The following KMT5B variants were observed in gnomAD, a reference collection of about 807,000 sequenced individuals.
The protein encoded by KMT5B is histone-lysine N-methyltransferase KMT5B.
In KMT5B, 10 loss-of-function variants were observed where a neutral mutation model predicts 83.2. The observed-to-expected ratio is 0.12, with a 90% CI of 0.07 to 0.20. KMT5B has a LOEUF of 0.20. Among genes scored for constraint, KMT5B ranks in the 10% least tolerant of loss-of-function variants. The pLI, the probability that KMT5B is intolerant of heterozygous loss-of-function variation, is 1.00. For synonymous variants in KMT5B, 349 were observed against 388.8 expected (o/e 0.90, Z 1.20); for missense variants, 753 against 1,067.2 (o/e 0.71, Z 4.10).
Position 68,158,386 on chromosome 11 carries a change from C to T in KMT5B, c.1960G>A (p.Glu654Lys). The change falls in exon 11 of 11, where the codon GAG (glutamate) becomes AAG (lysine). Residue 654 changes from glutamate to lysine, a missense_variant. Physicochemically the swap from Glu to Lys is moderately conservative, Grantham distance 56. This residue lies in a region of KMT5B where 397 missense variants were observed against 395.9 expected (regional missense o/e 1.00). Transcript: ENST00000304363. ...DLMGPHSDQGEHSGTVGVPVS... is the reference protein window; with the variant it reads ...DLMGPHSDQGKHSGTVGVPVS... ...GGCACGCCCACAGTGCCACTGTGCTCACCCTGGTCAGAATGGGGACCCATC... is the reference window on the plus strand; with the variant it reads ...GGCACGCCCACAGTGCCACTGTGCTTACCCTGGTCAGAATGGGGACCCATC... The T allele has an allele frequency of 6.2e-7, 1 of 1,614,126 alleles. No individual in the cohort carries two copies. Among genetic ancestry groups the T allele is most frequent in the Middle Eastern group, 1.6e-4 (1 of 6,062 alleles).
intron 9 of KMT5B, among the ~76,000 whole-genome samples, chr11:68,170,317 C>A (rs1365188056): frequency 1.3e-5 from 2 of 152,160 alleles, no homozygotes; most frequent in Non-Finnish European, 2.9e-5. Flanking sequence ...AGTAAAGTGC[C>A]TGGCACAGTG....
intron 3 of KMT5B, among the ~76,000 whole-genome samples, chr11:68,182,537 C>T (rs114584327): frequency 6.6e-6 from 1 of 152,136 alleles, no homozygotes; most frequent in Admixed American, 6.5e-5. Context: ...CAGCTCATTG[C>T]AGCCTCGAGC....
In KMT5B at chr11:68,173,899, CAAAT is replaced by C. The variant is rs751145286; in HGVS notation, c.554_557del (p.Tyr185CysfsTer27). The C allele has an allele frequency of 6.2e-7, 1 of 1,601,924 alleles. No homozygotes were observed. The highest frequency in any genetic ancestry group is 2.2e-5 in the East Asian group (1 of 44,586). On this transcript the variant is annotated frameshift_variant, in exon 6 of 11. Transcript: ENST00000304363. LOFTEE classifies it high-confidence loss of function. ...ATCCACTGTCAGTTGCAAACATTCGCAAATAAATAAATACCTAAAACAGGAAAAA... is the reference window on the plus strand; with the variant it reads ...ATCCACTGTCAGTTGCAAACATTCGCAAATAAATACCTAAAACAGGAAAAA...
At chr11:68,178,796 C>A (rs1856625981) in intron 4 of KMT5B, among the ~76,000 whole-genome samples, 1 of 152,074 alleles carries the variant, frequency 6.6e-6, no homozygotes, top group South Asian at 2.1e-4. Flanking sequence ...GCACTGAAAA[C>A]CTTAGGGAAA....
chr11:68,178,615 G>A (rs1341342450), intron 4 of KMT5B, among the ~76,000 whole-genome samples: 1 of 152,200 alleles, frequency 6.6e-6, no homozygotes, highest in African/African-American at 2.4e-5. Context: ...GGAAAAGGGG[G>A]AAGAAAATGG....
At chr11:68,213,096 C>T (rs1236506512) in intron 1 of KMT5B, 42 bp downstream of exon 1, 3 of 138,420 alleles carry the variant, frequency 2.2e-5, no homozygotes, top group Non-Finnish European at 4.8e-5. Flanking sequence ...CGAGGCCGCC[C>T]CCCGCACACC....
At chr11:68,163,864 G>A (rs1048284376) in intron 10 of KMT5B, among the ~76,000 whole-genome samples, 1 of 152,214 alleles carries the variant, frequency 6.6e-6, no homozygotes, top group African/African-American at 2.4e-5. Context: ...GTGAGGAGCA[G>A]CGCCCCAGCC....
At chr11:68,187,114 A>G (rs948217238) in intron 2 of KMT5B, among the ~76,000 whole-genome samples, 15 of 151,962 alleles carry the variant, frequency 9.9e-5, no homozygotes, top group African/African-American at 3.1e-4. Flanking sequence ...ATCCTGCCTC[A>G]GCCTCCCTAG....
chr11:68,205,151 A>C (rs976864288), intron 1 of KMT5B, among the ~76,000 whole-genome samples: 28 of 152,150 alleles, frequency 1.8e-4, no homozygotes, highest in Admixed American at 5.2e-4. Context: ...CTACCAAAAA[A>C]AAAAACAAAA....
chr11:68,173,784 T>C lies in KMT5B; in HGVS notation c.653+20A>G, dbSNP rs777360230. 1 of 1,374,112 alleles carries C rather than the reference T, an allele frequency of 7.3e-7. No individual in the cohort carries two copies. Among genetic ancestry groups the C allele is most frequent in the Admixed American group, 2.0e-5 (1 of 50,660 alleles). 85.1% of individuals were successfully genotyped at this position (1,374,112 alleles called of 1,614,324 possible). On this transcript the variant is annotated intron_variant, in intron 6 of 10. Coordinates refer to ENST00000304363, the MANE Select transcript of KMT5B (RefSeq NM_017635.5). ...AGAACTTTAAATTAAATTAAAGGCT[T>C]ATACTAGTAGAATAGTTACCACTCT...
chr11:68,192,708 T>C (rs1858231842), intron 1 of KMT5B, among the ~76,000 whole-genome samples: 3 of 152,196 alleles, frequency 2.0e-5, no homozygotes, highest in South Asian at 2.1e-4. Context: ...TGGCTACTCA[T>C]CACCACAAAC....
At chr11:68,183,439 C>T (rs1194988100) in intron 3 of KMT5B, among the ~76,000 whole-genome samples, 1 of 152,126 alleles carries the variant, frequency 6.6e-6, no homozygotes, top group Admixed American at 6.5e-5. Context: ...CTCACTGCAA[C>T]TTCCACCTCC....
chr11:68,175,080 C>T lies in KMT5B; in HGVS notation c.481G>A (p.Glu161Lys). ...EKAFKCLTSG[E>K]WARHYFLNKN... The stretch of plus-strand genomic sequence containing the variant: ...TTGAGAAAATAGTGCCGTGCCCATT[C>T]GCCTGAAGTCAAACATTTGAAGGCT... The change falls in exon 5 of 11, where the codon GAA becomes AAA. Residue 161 changes from glutamate to lysine, a missense_variant. Coordinates refer to ENST00000304363, the MANE Select transcript of KMT5B (RefSeq NM_017635.5). 3.1e-6 allele frequency: 5 copies of T among 1,614,060 alleles called. No individual in the cohort carries two copies. The highest frequency in any genetic ancestry group is 4.2e-6 in the Non-Finnish European group (5 of 1,179,950).
At chr11:68,166,939 A>G in intron 10 of KMT5B, 43 bp downstream of exon 10, 1 of 1,605,616 alleles carries the variant, frequency 6.2e-7, no homozygotes, top group Non-Finnish European at 8.5e-7. Flanking sequence ...AATTGTGTGA[A>G]AATACTTTTA....
chr11:68,188,540 T>C (rs146558451), intron 2 of KMT5B, among the ~76,000 whole-genome samples: 1 of 152,072 alleles, frequency 6.6e-6, no homozygotes, highest in Admixed American at 6.5e-5. Flanking sequence ...GTAGTTTTTG[T>C]AGACACAGGG....
upstream of KMT5B, chr11:68,213,593 C>G (rs945997969): frequency 1.3e-5 from 2 of 153,440 alleles, no homozygotes; most frequent in African/African-American, 4.8e-5. Context: ...CACCTCATCG[C>G]CCCGCTGCCC....
intron 1 of KMT5B, among the ~76,000 whole-genome samples, chr11:68,208,124 A>G (rs2153090773): frequency 6.8e-6 from 1 of 147,350 alleles, no homozygotes; most frequent in South Asian, 2.4e-4. Context: ...GGCGTGAGCC[A>G]TCACGCCTGG....
At chr11:68,184,264 T>G (rs1052204154) in intron 3 of KMT5B, among the ~76,000 whole-genome samples, 5 of 151,788 alleles carry the variant, frequency 3.3e-5, no homozygotes, top group Non-Finnish European at 7.4e-5. Context: ...CCCAGCTACT[T>G]GGGAAACTGA....
At chr11:68,166,671 C>T (rs1480524594) in intron 10 of KMT5B, 8 of 1,133,114 alleles carry the variant, frequency 7.1e-6, no homozygotes, top group East Asian at 5.2e-5. Context: ...GACTTAGCGA[C>T]ATCATCACAG....
Sources: allele counts gnomAD v4.1 joint callset (sites outside exome capture counted in the v4.1 genomes callset), GRCh38; gene constraint gnomAD v4.1.1; regional missense constraint gnomAD v4.1.1; transcripts MANE v1.5; gene names NCBI Gene and HGNC (gene_info 2026-07-23, HGNC 2026-07-21).